FGF12: variants seen among roughly 807,000 people sequenced by gnomAD.
FGF12 encodes the protein fibroblast growth factor 12B.
In FGF12, 14 loss-of-function variants were observed where a neutral mutation model predicts 23.6. That is an observed-to-expected ratio of 0.59 (90% CI 0.39 to 0.93). FGF12 has a LOEUF of 0.93. Ranked by LOEUF, FGF12 falls within the 40% of genes least tolerant of loss-of-function variation. The pLI, the probability that FGF12 is intolerant of heterozygous loss-of-function variation, is 0.00. For synonymous variants in FGF12, 62 were observed against 77.3 expected, an observed-to-expected ratio of 0.80 and a Z score of 1.04; for missense variants, 175 against 217.8, an observed-to-expected ratio of 0.80 and a Z score of 1.24.
At chr3:192,180,927 G>A (rs1560181512) in intron 4 of FGF12, among the ~76,000 whole-genome samples, 1 of 152,144 alleles carries the variant, frequency 6.6e-6, no homozygotes, top group African/African-American at 2.4e-5. Context: ...ACAGCACTGT[G>A]GTTTTGTGAA....
At chr3:192,300,717 T>C (rs2108659233) in intron 4 of FGF12, among the ~76,000 whole-genome samples, 1 of 152,042 alleles carries the variant, frequency 6.6e-6, no homozygotes, top group East Asian at 1.9e-4. Flanking sequence ...CACAAAACGG[T>C]TAAGAATCCC....
chr3:192,220,328 C>T (rs1285736467), intron 4 of FGF12, among the ~76,000 whole-genome samples: 4 of 152,160 alleles, frequency 2.6e-5, no homozygotes, highest in Non-Finnish European at 5.9e-5. Context: ...TTCTACTTCC[C>T]TATTAACTTT....
Position 192,408,931 on chromosome 3 carries a change from C to G in FGF12, c.14-48393G>C. 1.0e-6 allele frequency: 1 copy of G among 985,204 alleles called. No individual in the cohort carries two copies. Among genetic ancestry groups the G allele is most frequent in the Non-Finnish European group, 1.2e-6 (1 of 829,958 alleles). 61.0% of individuals were successfully genotyped at this position (985,204 alleles called of 1,614,324 possible). ...TGCGGCTTTCCAGGGGCCGGCCACCCGAGTTCTGGAATTCCGAGAGGCGCG... is the reference window on the plus strand; with the variant it reads ...TGCGGCTTTCCAGGGGCCGGCCACCGGAGTTCTGGAATTCCGAGAGGCGCG... On this transcript the variant is annotated intron_variant, in intron 2 of 5. Transcript: ENST00000445105. This position sits in a 1 kb window ranked among gnomAD's most constrained non-coding sequence, Gnocchi z 7.3.
chr3:192,375,274 G>A (rs1396474664), intron 2 of FGF12, among the ~76,000 whole-genome samples: 8 of 151,892 alleles, frequency 5.3e-5, no homozygotes, highest in Non-Finnish European at 1.2e-4. Flanking sequence ...TTCGTTTGTG[G>A]TTTTTATTTA....
At chr3:192,535,980 G>A (rs1725213835) in intron 2 of FGF12, among the ~76,000 whole-genome samples, 1 of 152,164 alleles carries the variant, frequency 6.6e-6, no homozygotes, top group Non-Finnish European at 1.5e-5. Flanking sequence ...TCATAAAATT[G>A]TAGCACTAAA....
chr3:192,358,898 T>G, intron 3 of FGF12, among the ~76,000 whole-genome samples: 1 of 152,172 alleles, frequency 6.6e-6, no homozygotes, highest in East Asian at 1.9e-4. Flanking sequence ...AGCCATTAGA[T>G]TTTATAGAAA....
chr3:192,305,273 A>G (rs1715560485), intron 4 of FGF12, among the ~76,000 whole-genome samples: 1 of 152,134 alleles, frequency 6.6e-6, no homozygotes, highest in African/African-American at 2.4e-5. Flanking sequence ...TGATGCTACT[A>G]CAGGGTGTCA....
intron 4 of FGF12, among the ~76,000 whole-genome samples, chr3:192,217,306 G>C (rs1718241269): frequency 6.6e-6 from 1 of 152,136 alleles, no homozygotes; most frequent in South Asian, 2.1e-4. Context: ...TGTTTTTGTT[G>C]TTGTTACTAT....
intron 2 of FGF12, among the ~76,000 whole-genome samples, chr3:192,530,431 G>A (rs1189871041): frequency 6.6e-6 from 1 of 152,098 alleles, no homozygotes; most frequent in African/African-American, 2.4e-5. Context: ...GAAGCTTATT[G>A]ACATTTATGA....
intron 4 of FGF12, among the ~76,000 whole-genome samples, chr3:192,290,904 T>C (rs537000396): frequency 6.6e-6 from 1 of 152,212 alleles, no homozygotes; most frequent in East Asian, 1.9e-4. Flanking sequence ...AAAGGACACA[T>C]ACAAAAAATA....
intron 2 of FGF12, among the ~76,000 whole-genome samples, chr3:192,490,680 T>C (rs2108825806): frequency 6.6e-6 from 1 of 152,258 alleles, no homozygotes; most frequent in African/African-American, 2.4e-5. Context: ...AAGGATAATG[T>C]GTGGTATGTT....
chr3:192,180,333 T>C (rs1716101744), intron 4 of FGF12, among the ~76,000 whole-genome samples: 1 of 152,192 alleles, frequency 6.6e-6, no homozygotes, highest in South Asian at 2.1e-4. Context: ...ATCATCAAAA[T>C]AACTTCCAGG....
chr3:192,177,343 C>A (rs1715916869), intron 4 of FGF12, among the ~76,000 whole-genome samples: 1 of 152,188 alleles, frequency 6.6e-6, no homozygotes, highest in Non-Finnish European at 1.5e-5. Flanking sequence ...TTTTCACAGA[C>A]AACTTTGATA....
chr3:192,241,300 C>T (rs1719606385), intron 4 of FGF12, among the ~76,000 whole-genome samples: 1 of 152,104 alleles, frequency 6.6e-6, no homozygotes, highest in African/African-American at 2.4e-5. Flanking sequence ...TGTTAAATGA[C>T]TGGGTGGGAG....
intron 2 of FGF12, among the ~76,000 whole-genome samples, chr3:192,622,072 T>C (rs1467556267): frequency 2.0e-5 from 3 of 152,158 alleles, no homozygotes; most frequent in African/African-American, 7.2e-5. Context: ...TAAATTTTGC[T>C]GTTGTCAAAT....
At chr3:192,704,842 A>C (rs1051411395) in intron 2 of FGF12, among the ~76,000 whole-genome samples, 4 of 152,228 alleles carry the variant, frequency 2.6e-5, no homozygotes, top group African/African-American at 9.6e-5. Context: ...CTTCTACATT[A>C]GCACTTGCAG....
chr3:192,357,764 A>G (rs1718543438), intron 3 of FGF12, among the ~76,000 whole-genome samples: 1 of 152,186 alleles, frequency 6.6e-6, no homozygotes, highest in South Asian at 2.1e-4. Flanking sequence ...AGAAGATCAA[A>G]AATAAATAAA....
chr3:192,558,800 A>G (rs989993787), intron 2 of FGF12, among the ~76,000 whole-genome samples: 1 of 151,894 alleles, frequency 6.6e-6, no homozygotes, highest in Non-Finnish European at 1.5e-5. Flanking sequence ...ACCCATATGT[A>G]TATATTGGTT....
chr3:192,422,336 T>G (rs921036862), intron 2 of FGF12, among the ~76,000 whole-genome samples: 1 of 152,172 alleles, frequency 6.6e-6, no homozygotes, highest in Non-Finnish European at 1.5e-5. Flanking sequence ...AAGGTCTCTT[T>G]CTACTCTAAA....
Sources: allele counts gnomAD v4.1 joint callset (sites outside exome capture counted in the v4.1 genomes callset), GRCh38; gene constraint gnomAD v4.1.1; non-coding constraint Gnocchi (gnomAD v3.1); transcripts MANE v1.5; gene names NCBI Gene and HGNC (gene_info 2026-07-23, HGNC 2026-07-21).